NABP1: variants seen among roughly 807,000 people sequenced by gnomAD.
The protein encoded by NABP1 is SOSS complex subunit B2.
NABP1 carries 18 observed loss-of-function variants against 25.0 expected under a neutral mutation model. The observed-to-expected ratio is 0.72, with a 90% confidence interval of 0.50 to 1.07. NABP1 has a LOEUF of 1.07. Among genes scored for constraint, NABP1 ranks in the 50% least tolerant of loss-of-function variants. The probability of loss-of-function intolerance (pLI) is 0.00; values close to 1 mark genes in which losing one functional copy is unlikely to be tolerated. For synonymous variants in NABP1, 71 were observed against 85.0 expected (o/e 0.84, Z 0.91); for missense variants, 270 against 255.6 (o/e 1.06, Z -0.39).
intron 1 of NABP1, 81 bp from the exon 2 acceptor site, chr2:191,678,909 A>G: frequency 6.3e-7 from 1 of 1,585,012 alleles, no homozygotes; most frequent in Non-Finnish European, 8.6e-7. Context: ...CAGATGTATT[A>G]AAATACCGGA....
In NABP1 at chr2:191,683,852, A is replaced by G. The variant is rs779368261; in HGVS notation, c.378+48A>G. 7.2e-7 allele frequency: 1 copy of G among 1,396,918 alleles called. No homozygotes were observed. Among genetic ancestry groups the G allele is most frequent in the African/African-American group, 1.4e-5 (1 of 69,266 alleles). The allele number at this position is 1,396,918 out of a possible 1,614,324, so 86.5% of individuals were successfully genotyped here. ...TGATTAGGCTAATTTTGACTGTGTT[A>G]TAATTCTATGATTAGGCTAGCCCTG... On this transcript the variant is annotated intron_variant, in intron 4 of 5. Coordinates refer to ENST00000425611, the MANE Select transcript of NABP1 (RefSeq NM_001031716.5). The surrounding 1 kb of genome is among the most constrained non-coding windows in gnomAD (Gnocchi z 4.1).
At chr2:191,679,838 CAT>C (rs545907056) in intron 2 of NABP1, among the ~76,000 whole-genome samples, 49 of 152,082 alleles carry the variant, frequency 3.2e-4, no homozygotes, top group Non-Finnish European at 6.8e-4. Flanking sequence ...CAGTATTTTA[CAT>C]ATGTTATTTA....
chr2:191,683,874 C>G lies in NABP1; in HGVS notation c.378+70C>G. ...GTTATAATTCTATGATTAGGCTAGC[C>G]CTGTTGATACTTAGTATAAAGAAGA... On this transcript the variant is annotated intron_variant, in intron 4 of 5. Coordinates refer to ENST00000425611, the MANE Select transcript of NABP1 (RefSeq NM_001031716.5). The surrounding 1 kb of genome is among the most constrained non-coding windows in gnomAD (Gnocchi z 4.1). 1 of 1,118,200 alleles carries G rather than the reference C, an allele frequency of 8.9e-7. No homozygotes were observed. Among genetic ancestry groups the G allele is most frequent in the Non-Finnish European group, 1.3e-6 (1 of 760,584 alleles). The allele number at this position is 1,118,200 out of a possible 1,614,324, so 69.3% of individuals were successfully genotyped here. A position where few individuals can be genotyped will look rare whatever the true frequency, so the allele number is the denominator to read the frequency against.
At position 191,686,266 on chromosome 2, in the gene NABP1, C is replaced by T. The variant is rs1687819930; in HGVS notation, c.*498C>T. The T allele has an allele frequency of 6.6e-6, 1 of 152,238 alleles. No individual in the cohort carries two copies. 9.4% of individuals were successfully genotyped at this position (152,238 alleles called of 1,614,324 possible). A position where few individuals can be genotyped will look rare whatever the true frequency, so the allele number is the denominator to read the frequency against. On this transcript the variant is annotated 3_prime_UTR_variant, in exon 6 of 6. Transcript: ENST00000425611. Reference sequence around the variant, plus strand: ...AATGATTGACTTCGTTCAGTGACTACTATTAAGATTTTCCAAGGACTGACT... The same window carrying T: ...AATGATTGACTTCGTTCAGTGACTATTATTAAGATTTTCCAAGGACTGACT...
At chr2:191,684,168 ATGT>A (rs1462064944) in intron 4 of NABP1, 59 bp from the exon 5 acceptor site, 14 of 1,036,106 alleles carry the variant, frequency 1.4e-5, no homozygotes, top group East Asian at 2.8e-5. Flanking sequence ...GGATATAATA[ATGT>A]TGTAATAATA....
chr2:191,682,573 G>A (rs1466641036), intron 3 of NABP1: 1 of 471,122 alleles, frequency 2.1e-6, no homozygotes, highest in Non-Finnish European at 4.4e-6. Context: ...ACCTGGAGGA[G>A]CCATCCTCTC....
At chr2:191,681,450 G>A (rs1016488248) in intron 2 of NABP1, among the ~76,000 whole-genome samples, 2 of 152,112 alleles carry the variant, frequency 1.3e-5, no homozygotes, top group Non-Finnish European at 2.9e-5. Flanking sequence ...TGTGACCTTA[G>A]TGTTTTTTTT....
chr2:191,681,916 C>T (rs754783597), intron 2 of NABP1, 30 bp from the exon 3 acceptor site: 20 of 1,361,854 alleles, frequency 1.5e-5, no homozygotes, highest in Non-Finnish European at 2.0e-5. Flanking sequence ...AAATATATTT[C>T]TAAAGAATTA....
Position 191,679,107 on chromosome 2 carries a change from A to T in NABP1, c.209A>T (p.Asp70Val). 1 of 1,614,112 alleles carries T rather than the reference A, an allele frequency of 6.2e-7. No homozygotes were observed. Among genetic ancestry groups the T allele is most frequent in the Non-Finnish European group, 8.5e-7 (1 of 1,180,014 alleles). ...DEIGGLIQPGDIIRLTRGYAS... is the reference protein window; with the variant it reads ...DEIGGLIQPGVIIRLTRGYAS... ...ATCGGAGGTCTTATACAGCCAGGGG[A>T]TATTATTCGGTTGACCAGAGGGTAG... The change falls in exon 2 of 6, where the codon GAT becomes GTT. Residue 70 changes from aspartate (D) to valine (V), a missense_variant. Physicochemically the swap from Asp to Val is radical, Grantham distance 152 (BLOSUM62 -3). Coordinates refer to ENST00000425611, the MANE Select transcript of NABP1 (RefSeq NM_001031716.5).
chr2:191,678,964 T>A, intron 1 of NABP1, 26 bp from the exon 2 acceptor site: 1 of 1,614,090 alleles, frequency 6.2e-7, no homozygotes, highest in Non-Finnish European at 8.5e-7. Context: ...TAACAACCCC[T>A]CCCTTTGATT....
At chr2:191,680,641 A>T (rs1414351589) in intron 2 of NABP1, among the ~76,000 whole-genome samples, 1 of 152,332 alleles carries the variant, frequency 6.6e-6, no homozygotes, top group African/African-American at 2.4e-5. Flanking sequence ...TGACAGTCAT[A>T]GGTGTTTCCA....
chr2:191,681,839 C>T (rs1057096795), intron 2 of NABP1, 107 bp from the exon 3 acceptor site: 5 of 595,842 alleles, frequency 8.4e-6, no homozygotes, highest in African/African-American at 5.9e-5. Context: ...AGGGCTTGAT[C>T]CTCACTTCTA....
intron 5 of NABP1, among the ~76,000 whole-genome samples, chr2:191,684,553 A>G (rs964504170): frequency 4.6e-5 from 7 of 152,122 alleles, no homozygotes; most frequent in African/African-American, 1.2e-4. Context: ...TAAAATTTCT[A>G]TAATCTAGTG....
intron 5 of NABP1, chr2:191,685,056 TGGGCCAGGCTAGTCTC>T (rs2105648730): frequency 6.6e-6 from 1 of 152,528 alleles, no homozygotes; most frequent in South Asian, 2.1e-4. Flanking sequence ...TTTCACCATA[TGGGCCAGGCTAGTCTC>T]GAACTCCTGA....
chr2:191,683,301 T>C lies in NABP1; in HGVS notation c.303-428T>C. 4.8e-6 allele frequency: 1 copy of C among 206,862 alleles called. No individual in the cohort carries two copies. The highest frequency in any genetic ancestry group is 5.4e-5 in the Admixed American group (1 of 18,430). The allele number at this position is 206,862 out of a possible 1,614,324, so 12.8% of individuals were successfully genotyped here. A position where few individuals can be genotyped will look rare whatever the true frequency, so the allele number is the denominator to read the frequency against. On this transcript the variant is annotated intron_variant, in intron 3 of 5. Transcript: ENST00000425611. This position sits in a 1 kb window ranked among gnomAD's most constrained non-coding sequence, Gnocchi z 4.1. ...GATTATCTTTGCAGATCCACAGTGA[T>C]CGATCAAAAGAGGGACTGAATGGGA... is the stretch of plus-strand genomic sequence containing the variant.
At chr2:191,680,659 A>T (rs1350956192) in intron 2 of NABP1, among the ~76,000 whole-genome samples, 1 of 152,212 alleles carries the variant, frequency 6.6e-6, no homozygotes, top group Non-Finnish European at 1.5e-5. Context: ...CCATCAAAAA[A>T]ATTATTGGAA....
intron 2 of NABP1, among the ~76,000 whole-genome samples, chr2:191,680,529 A>G (rs1687659313): frequency 6.6e-6 from 1 of 152,248 alleles, no homozygotes; most frequent in Non-Finnish European, 1.5e-5. Flanking sequence ...ATTGATTAGT[A>G]TAATTGGAGT....
Position 191,678,523 on chromosome 2 carries a change from C to G in NABP1, c.-92C>G. 2 of 902,140 alleles carry G rather than the reference C, an allele frequency of 2.2e-6. No individual in the cohort carries two copies. The highest frequency in any genetic ancestry group is 3.4e-6 in the Non-Finnish European group (2 of 590,830). The allele number at this position is 902,140 out of a possible 1,614,324, so 55.9% of individuals were successfully genotyped here. On this transcript the variant is annotated 5_prime_UTR_variant, in exon 1 of 6. Transcript: ENST00000425611. ...TCGCCACCCCTGCCCAAGGTCGCCC[C>G]TCTGCCTTCGCCCCTGTCCCGGGAG... is the stretch of plus-strand genomic sequence containing the variant.
rs769379504 is a variant in NABP1 at position 191,684,282 on chromosome 2, C to T, written c.431C>T (p.Thr144Ile). 3 of 1,528,470 alleles carry T rather than the reference C, an allele frequency of 2.0e-6. No individual in the cohort carries two copies. The highest frequency in any genetic ancestry group is 2.6e-6 in the Non-Finnish European group (3 of 1,147,652). 94.7% of individuals were successfully genotyped at this position (1,528,470 alleles called of 1,614,324 possible). A position where few individuals can be genotyped will look rare whatever the true frequency, so the allele number is the denominator to read the frequency against. ...ATGAATAGTAATATGGGTACAGGTACATTTGGACCAGTGGGTAAGATTTTG... is the reference window on the plus strand; with the variant it reads ...ATGAATAGTAATATGGGTACAGGTATATTTGGACCAGTGGGTAAGATTTTG... The part of the protein sequence containing the change: ...NSMNSNMGTG[T>I]FGPVGNGVHT... Residue 144 changes from threonine to isoleucine, a missense_variant, in exon 5 of 6, where the codon ACA (threonine) becomes ATA (isoleucine). Physicochemically the swap from Thr to Ile is moderately conservative, Grantham distance 89 (BLOSUM62 -1). Transcript: ENST00000425611.
Sources: gnomAD v4.1 joint callset for allele counts (sites outside exome capture counted in the v4.1 genomes callset) on GRCh38, gnomAD v4.1.1 for gene constraint, Gnocchi (gnomAD v3.1) non-coding constraint, MANE v1.5 for transcripts, NCBI Gene and HGNC (gene_info 2026-07-23, HGNC 2026-07-21) for gene names.